The following CLUL1 variants were observed in gnomAD, a reference collection of about 807,000 sequenced individuals.
CLUL1 encodes the protein clusterin-like protein 1.
A neutral mutation model predicts 49.4 loss-of-function variants in CLUL1; 43 were observed. The observed-to-expected ratio is 0.87, with a 90% CI of 0.68 to 1.12. The LOEUF is 1.12. CLUL1 is among the 50% of genes most tolerant of loss of function. The pLI, the probability that CLUL1 is intolerant of heterozygous loss-of-function variation, is 0.00. For synonymous variants in CLUL1, 192 were observed against 184.9 expected (o/e 1.04, Z -0.31); for missense variants, 486 against 544.4 (o/e 0.89, Z 1.07).
At chr18:636,059 A>C (rs1414552464) in intron 7 of CLUL1, among the ~76,000 whole-genome samples, 4 of 152,192 alleles carry the variant, frequency 2.6e-5, no homozygotes, top group African/African-American at 9.6e-5. Context: ...ATGTTAAACA[A>C]CATAATATCC....
intron 2 of CLUL1, among the ~76,000 whole-genome samples, chr18:615,921 AC>A (rs1025700879): frequency 6.6e-6 from 1 of 152,204 alleles, no homozygotes; most frequent in Non-Finnish European, 1.5e-5. Context: ...AGAGACCAGG[AC>A]CAACGTCATA....
chr18:635,432 G>A (rs13381027), intron 7 of CLUL1, among the ~76,000 whole-genome samples: 15,331 of 152,146 alleles, frequency 0.1, 1,017 homozygotes, highest in African/African-American at 0.18. Context: ...GTACAGCTCC[G>A]TTCCTAAGAG....
rs199886921 is a variant in CLUL1, at chr18:613,146, TA to T, written c.-13-4841del. 3.1e-4 allele frequency: 88 copies of T among 285,314 alleles called. 1 individual carries two copies. Among genetic ancestry groups the T allele is most frequent in the Admixed American group, 1.5e-3 (13 of 8,832 alleles). 17.7% of individuals were successfully genotyped at this position (285,314 alleles called of 1,614,324 possible). On this transcript the variant is annotated intron_variant, in intron 2 of 9. Transcript: ENST00000692774. ...TGAAACTAAAACAATTATTTTATTG[TA>T]TTTTTTTTGAGATGGAGTCTTGCTC...
At chr18:613,502 T>C (rs1288390508) in intron 2 of CLUL1, among the ~76,000 whole-genome samples, 1 of 150,324 alleles carries the variant, frequency 6.7e-6, no homozygotes, top group Non-Finnish European at 1.5e-5. Flanking sequence ...TTGCCCAGGC[T>C]GGAGTGCAGT....
At chr18:613,924 G>T (rs114578419) in intron 2 of CLUL1, among the ~76,000 whole-genome samples, 1 of 152,110 alleles carries the variant, frequency 6.6e-6, no homozygotes, top group Non-Finnish European at 1.5e-5. Context: ...AAATCATTTC[G>T]TACATTCCAG....
chr18:615,422 G>A (rs576781345), intron 2 of CLUL1, among the ~76,000 whole-genome samples: 1 of 152,326 alleles, frequency 6.6e-6, no homozygotes, highest in East Asian at 1.9e-4. Context: ...TTTGCTTCCT[G>A]AAAACTGGTT....
At chr18:602,804 A>G (rs1018568633) in intron 1 of CLUL1, among the ~76,000 whole-genome samples, 1 of 152,192 alleles carries the variant, frequency 6.6e-6, no homozygotes, top group East Asian at 1.9e-4. Flanking sequence ...AAAGACCTAG[A>G]AGGGGCAATA....
intron 6 of CLUL1, 100 bp downstream of exon 6, chr18:627,629 A>G (rs540094): frequency 0.99 from 792,197 of 801,972 alleles, 391,877 homozygotes; most frequent in East Asian, 1. Context: ...ATTGTATAGC[A>G]TTTCTTGAAG....
At chr18:625,720 T>TC (rs1411543329) in intron 5 of CLUL1, among the ~76,000 whole-genome samples, 3 of 152,036 alleles carry the variant, frequency 2.0e-5, no homozygotes, top group Non-Finnish European at 1.5e-5. Flanking sequence ...TAGATTTTTC[T>TC]CCCCCTTCAA....
intron 1 of CLUL1, among the ~76,000 whole-genome samples, chr18:604,727 T>A (rs2072923342): frequency 6.6e-6 from 1 of 152,206 alleles, no homozygotes; most frequent in Admixed American, 6.5e-5. Flanking sequence ...AAGAACTAGG[T>A]ACCCTGACAT....
chr18:615,083 C>T (rs1199572408), intron 2 of CLUL1, among the ~76,000 whole-genome samples: 1 of 152,180 alleles, frequency 6.6e-6, no homozygotes, highest in Non-Finnish European at 1.5e-5. Context: ...ATTAAGATGA[C>T]TTTGCTTCTA....
chr18:633,263 A>G, intron 6 of CLUL1, 35 bp from the exon 7 acceptor site: 1 of 1,563,858 alleles, frequency 6.4e-7, no homozygotes, highest in Non-Finnish European at 8.7e-7. Flanking sequence ...GCAAACTCTT[A>G]TGACACTAAC....
intron 5 of CLUL1, among the ~76,000 whole-genome samples, chr18:625,976 T>C (rs1370301876): frequency 1.3e-5 from 2 of 152,222 alleles, no homozygotes; most frequent in African/African-American, 4.8e-5. Context: ...TCAGGAGATA[T>C]GGGGACCATT....
intron 7 of CLUL1, among the ~76,000 whole-genome samples, chr18:639,948 G>T (rs2074293096): frequency 6.6e-6 from 1 of 152,088 alleles, no homozygotes; most frequent in African/African-American, 2.4e-5. Context: ...GAAAGGTTAT[G>T]AAATTAGATA....
rs1248302143 is a variant in CLUL1 at position 639,008 on chromosome 18, G to C, written c.995-2319G>C. Among the ~76,000 whole-genome samples, 5 of 152,178 alleles carry C rather than the reference G, an allele frequency of 3.3e-5. No individual in the cohort carries two copies. The East Asian group carries it at 7.7e-4, about 24-fold the overall frequency. Reference sequence around the variant, plus strand: ...TGAATTTAGTATTAATTATTTCCTTGCATTTCTTCCTACTCATATCATGTG... The same window carrying C: ...TGAATTTAGTATTAATTATTTCCTTCCATTTCTTCCTACTCATATCATGTG... On this transcript the variant is annotated intron_variant, in intron 7 of 9. Coordinates refer to ENST00000692774, the MANE Select transcript of CLUL1 (RefSeq NM_001393344.1).
intron 1 of CLUL1, among the ~76,000 whole-genome samples, chr18:602,861 A>T (rs2072871163): frequency 6.6e-6 from 1 of 152,200 alleles, no homozygotes; most frequent in Admixed American, 6.5e-5. Flanking sequence ...TGCCAGTGTT[A>T]GCATTTAGGA....
intron 2 of CLUL1, among the ~76,000 whole-genome samples, chr18:609,754 G>A (rs531495005): frequency 9.7e-4 from 147 of 150,838 alleles, no homozygotes; most frequent in Non-Finnish European, 1.3e-3. Flanking sequence ...AACCTGGGAG[G>A]CAGAGGTTGC....
At chr18:624,740 G>A in intron 4 of CLUL1, 125 bp from the exon 5 acceptor site, 4 of 823,446 alleles carry the variant, frequency 4.9e-6, no homozygotes, top group South Asian at 1.8e-5. Context: ...TGACAGCTGC[G>A]AGGCACCTGA....
intron 9 of CLUL1, among the ~76,000 whole-genome samples, chr18:646,125 C>G (rs1490195147): frequency 6.6e-6 from 1 of 151,572 alleles, no homozygotes; most frequent in Admixed American, 6.6e-5. Flanking sequence ...AGTTCTCTCT[C>G]CGACTCCATC....
Sources: allele counts gnomAD v4.1 joint callset (sites outside exome capture counted in the v4.1 genomes callset), GRCh38; gene constraint gnomAD v4.1.1; transcripts MANE v1.5; gene names NCBI Gene and HGNC (gene_info 2026-07-23, HGNC 2026-07-21).